The following LAMC1 variants were observed in gnomAD, a reference collection of about 807,000 sequenced individuals.
The protein encoded by LAMC1 is laminin subunit gamma-1.
A neutral mutation model predicts 173.6 loss-of-function variants in LAMC1; 38 were observed. The ratio of observed to expected loss-of-function variants is 0.22; its 90% CI spans 0.17 to 0.29. The LOEUF is 0.29. Ranked by LOEUF, LAMC1 falls within the 10% of genes least tolerant of loss-of-function variation. LAMC1 has a pLI of 1.00. For missense variants in LAMC1, 1,824 were observed against 2,051.8 expected (o/e 0.89, Z 2.14); for synonymous variants, 746 against 749.1 (o/e 1.00, Z 0.07).
chr1:183,057,692 G>T (rs141733133), intron 1 of LAMC1, among the ~76,000 whole-genome samples: 1,768 of 152,076 alleles, frequency 0.012, 29 homozygotes, highest in African/African-American at 0.038. Flanking sequence ...GCCCGGGGAG[G>T]TTACAGTGAG....
intron 11 of LAMC1, among the ~76,000 whole-genome samples, chr1:183,119,948 A>G (rs1656423933): frequency 1.3e-5 from 2 of 151,962 alleles, no homozygotes; most frequent in Non-Finnish European, 2.9e-5. Flanking sequence ...AGGCAGGAGG[A>G]TTGCTTGAGG....
chr1:183,112,885 G>C (rs1350098150), intron 4 of LAMC1, among the ~76,000 whole-genome samples: 1 of 152,176 alleles, frequency 6.6e-6, no homozygotes, highest in Non-Finnish European at 1.5e-5. Flanking sequence ...ATAAGAAAGA[G>C]AGAAAAAGAA....
chr1:183,131,726 G>A (rs969907573), intron 20 of LAMC1, among the ~76,000 whole-genome samples: 5 of 152,022 alleles, frequency 3.3e-5, no homozygotes, highest in African/African-American at 9.7e-5. Context: ...TAAAGATTAG[G>A]CATGGGATTT....
chr1:183,089,554 CTT>C (rs1206922887), intron 1 of LAMC1, among the ~76,000 whole-genome samples: 2 of 152,180 alleles, frequency 1.3e-5, no homozygotes, highest in Non-Finnish European at 2.9e-5. Context: ...CTGCCAAACT[CTT>C]TACTACTTTC....
Position 183,124,723 on chromosome 1 carries a change from G to A in LAMC1, c.2494G>A (p.Asp832Asn), listed in dbSNP as rs1656573095. The change falls in exon 14 of 28, where the codon GAC becomes AAC. Residue 832 changes from aspartate (D) to asparagine (N), a missense_variant. Coordinates refer to ENST00000258341, the MANE Select transcript of LAMC1 (RefSeq NM_002293.4). ...ACTTTGCCGCCTGTGCCAGTGCAGT[G>A]ACAACATCGATCCCAATGCAGTTGG... Reference protein sequence around the residue: ...VRLCRLCQCSDNIDPNAVGNC... With the variant: ...VRLCRLCQCSNNIDPNAVGNC... 6.2e-7 allele frequency: 1 copy of A among 1,614,196 alleles called. No homozygotes were observed. Among genetic ancestry groups the A allele is most frequent in the Admixed American group, 1.7e-5 (1 of 60,022 alleles).
chr1:183,117,896 C>T, intron 10 of LAMC1, 138 bp from the exon 11 acceptor site: 1 of 741,826 alleles, frequency 1.3e-6, no homozygotes. Flanking sequence ...AATTGTACTA[C>T]CAAACCAATA....
chr1:183,145,492 G>A lies in LAMC1; in HGVS notation c.*2702G>A, dbSNP rs1276452989. 6.6e-6 allele frequency: 1 copy of A among 152,394 alleles called. No individual in the cohort carries two copies. Among genetic ancestry groups the A allele is most frequent in the South Asian group, 2.1e-4 (1 of 4,828 alleles). The allele number at this position is 152,394 out of a possible 1,614,324, so 9.4% of individuals were successfully genotyped here. On this transcript the variant is annotated 3_prime_UTR_variant, in exon 28 of 28. Coordinates refer to ENST00000258341, the MANE Select transcript of LAMC1 (RefSeq NM_002293.4). ...TGTTTGCCTTAATCTCTACAGCCTT[G>A]CTCTCCGGGGTGGTTAATAAAATGC...
intron 1 of LAMC1, among the ~76,000 whole-genome samples, chr1:183,055,753 A>G (rs942713154): frequency 4.6e-5 from 7 of 152,158 alleles, no homozygotes; most frequent in Admixed American, 4.6e-4. Context: ...CAGAGATTGC[A>G]GTGAACTGAG....
chr1:183,093,709 C>T (rs1655623041), intron 1 of LAMC1, among the ~76,000 whole-genome samples: 2 of 152,136 alleles, frequency 1.3e-5, no homozygotes, highest in Admixed American at 1.3e-4. Flanking sequence ...GTATCTTCAA[C>T]TTAGTATATC....
intron 1 of LAMC1, among the ~76,000 whole-genome samples, chr1:183,094,858 C>T (rs10458355): frequency 0.52 from 78,378 of 151,664 alleles, 20,904 homozygotes; most frequent in South Asian, 0.65. Flanking sequence ...TTTTGTTTTT[C>T]GTTTTTGAGA....
chr1:183,047,651 A>G (rs540601345), intron 1 of LAMC1, among the ~76,000 whole-genome samples: 43 of 152,314 alleles, frequency 2.8e-4, no homozygotes, highest in African/African-American at 9.9e-4. Flanking sequence ...TGTAAACACT[A>G]CAGAAGTAGT....
intron 1 of LAMC1, among the ~76,000 whole-genome samples, chr1:183,038,062 G>T (rs1654030172): frequency 6.8e-6 from 1 of 147,094 alleles, no homozygotes; most frequent in African/African-American, 2.5e-5. Context: ...TTGAGACAGA[G>T]TCTTGCTCTG....
intron 1 of LAMC1, among the ~76,000 whole-genome samples, chr1:183,059,023 G>T (rs1654674340): frequency 6.6e-6 from 1 of 152,196 alleles, no homozygotes; most frequent in Non-Finnish European, 1.5e-5. Flanking sequence ...AGATGACTAT[G>T]ATATGACAGG....
chr1:183,029,478 G>A (rs147074826), intron 1 of LAMC1, among the ~76,000 whole-genome samples: 177 of 152,312 alleles, frequency 1.2e-3, no homozygotes, highest in Non-Finnish European at 2.2e-3. Context: ...TTCTGCAGTG[G>A]TTCCTCAAGG....
At chr1:183,032,408 A>G (rs1169664097) in intron 1 of LAMC1, among the ~76,000 whole-genome samples, 1 of 152,048 alleles carries the variant, frequency 6.6e-6, no homozygotes. Context: ...GCTTCCTCTT[A>G]TATTGAGGGC....
intron 1 of LAMC1, among the ~76,000 whole-genome samples, chr1:183,039,380 G>C (rs1558029428): frequency 6.6e-6 from 1 of 152,160 alleles, no homozygotes; most frequent in African/African-American, 2.4e-5. Context: ...CAGTGTCTTG[G>C]ATTAACTTTC....
chr1:183,129,082 CTTTT>C (rs201079710), intron 18 of LAMC1, among the ~76,000 whole-genome samples: 58 of 110,006 alleles, frequency 5.3e-4, no homozygotes, highest in Admixed American at 1.4e-3. Context: ...TCTTCATAAG[CTTTT>C]TTTTTTTTTT....
At chr1:183,098,772 C>T (rs1305767135) in intron 1 of LAMC1, among the ~76,000 whole-genome samples, 4 of 152,224 alleles carry the variant, frequency 2.6e-5, no homozygotes, top group Non-Finnish European at 5.9e-5. Flanking sequence ...TACAATGTCA[C>T]TTTGCATATG....
At chr1:183,131,484 A>C in intron 20 of LAMC1, 106 bp downstream of exon 20, 1 of 719,404 alleles carries the variant, frequency 1.4e-6, no homozygotes, top group Non-Finnish European at 2.3e-6. Flanking sequence ...ATAACCCATA[A>C]ACACTTTCTA....
Sources: gnomAD v4.1 joint callset for allele counts (sites outside exome capture counted in the v4.1 genomes callset) on GRCh38, gnomAD v4.1.1 for gene constraint, MANE v1.5 for transcripts, NCBI Gene and HGNC (gene_info 2026-07-23, HGNC 2026-07-21) for gene names.